SYNE2: variants seen among roughly 807,000 people sequenced by gnomAD.
SYNE2 encodes spectrin repeat containing nuclear envelope protein 2, also known as nesprin-2.
Under a neutral mutation model 856.3 loss-of-function variants are expected in SYNE2, and 431 were observed. The observed-to-expected ratio is 0.50, with a 90% CI of 0.47 to 0.55. The LOEUF (loss-of-function observed/expected upper bound fraction) is 0.55. SYNE2 is among the 20% of genes least tolerant of loss of function. The probability of loss-of-function intolerance (pLI) is 0.00; values close to 1 mark genes in which losing one functional copy is unlikely to be tolerated. For missense variants in SYNE2, 8,129 were observed against 8,023.2 expected (o/e 1.01, Z -0.50); for synonymous variants, 2,923 against 2,872.3 (o/e 1.02, Z -0.56).
chr14:64,087,688 A>G lies in SYNE2; in HGVS notation c.11502A>G (p.Ser3834=), dbSNP rs2097574486. 3.1e-6 allele frequency: 5 copies of G among 1,614,110 alleles called. No homozygotes were observed. The highest frequency in any genetic ancestry group is 3.4e-6 in the Non-Finnish European group (4 of 1,179,984). The change falls in exon 58 of 116, where the codon TCA becomes TCG. Residue 3834 remains serine (S), a synonymous_variant. Transcript: ENST00000555002. ...ASTVQMALED[S]EQKHNLLHSI... ...TTATCTAGATGGCTTTGGAAGATTC[A>G]GAACAGAAGCACAATCTTTTACATT...
intron 1 of SYNE2, among the ~76,000 whole-genome samples, chr14:63,781,855 T>G (rs1046734416): frequency 6.6e-6 from 1 of 151,978 alleles, no homozygotes; most frequent in East Asian, 1.9e-4. Context: ...GGAAAAGTGT[T>G]TAAAAGGTCA....
chr14:64,211,500 C>G (rs2098640839), intron 103 of SYNE2, among the ~76,000 whole-genome samples: 1 of 152,140 alleles, frequency 6.6e-6, no homozygotes, highest in African/African-American at 2.4e-5. Flanking sequence ...TGGCCTCAAT[C>G]CTGATATCAA....
intron 1 of SYNE2, among the ~76,000 whole-genome samples, chr14:63,844,259 A>G (rs1380882799): frequency 6.6e-6 from 1 of 152,162 alleles, no homozygotes; most frequent in Non-Finnish European, 1.5e-5. Context: ...GGAGTATCAT[A>G]TACTTGGAGT....
intron 32 of SYNE2, among the ~76,000 whole-genome samples, chr14:64,015,766 A>G (rs1009977809): frequency 6.6e-5 from 10 of 151,616 alleles, no homozygotes; most frequent in Admixed American, 5.3e-4. Context: ...AGATTCTTGA[A>G]GTGGTCATTT....
intron 8 of SYNE2, among the ~76,000 whole-genome samples, chr14:63,958,132 C>T: frequency 6.6e-6 from 1 of 152,108 alleles, no homozygotes; most frequent in Middle Eastern, 3.4e-3. Flanking sequence ...TCCCATAAAC[C>T]CTGCACCCAG....
In SYNE2 at chr14:64,221,562, T is replaced by C. The variant is rs757662625; in HGVS notation, c.20062-14T>C. 1 of 1,614,150 alleles carries C rather than the reference T, an allele frequency of 6.2e-7. No individual in the cohort carries two copies. Among genetic ancestry groups the C allele is most frequent in the Non-Finnish European group, 8.5e-7 (1 of 1,180,034 alleles). Reference sequence around the variant, plus strand: ...TCTAAGACACGGCCGCGCTCTGATGTGTTGTTTTTTAAGGACTTCCACCAG... The same window carrying C: ...TCTAAGACACGGCCGCGCTCTGATGCGTTGTTTTTTAAGGACTTCCACCAG... On this transcript the variant is annotated splice_polypyrimidine_tract_variant and intron_variant, in intron 111 of 115. Coordinates refer to ENST00000555002, the MANE Select transcript of SYNE2 (RefSeq NM_182914.3).
At chr14:63,922,558 T>A (rs573661022) in intron 2 of SYNE2, among the ~76,000 whole-genome samples, 5 of 152,260 alleles carry the variant, frequency 3.3e-5, no homozygotes, top group African/African-American at 1.2e-4. Flanking sequence ...ATCCTAGCAC[T>A]GTGGGAGGAT....
chr14:64,006,955 G>A (rs902589061), intron 30 of SYNE2, 88 bp from the exon 31 acceptor site: 2 of 1,048,558 alleles, frequency 1.9e-6, no homozygotes, highest in Non-Finnish European at 3.0e-6. Context: ...ACAAATTAAA[G>A]TTAGTGTGCC....
intron 6 of SYNE2, among the ~76,000 whole-genome samples, chr14:63,948,290 T>C (rs557563807): frequency 2.5e-4 from 38 of 152,156 alleles, no homozygotes; most frequent in Non-Finnish European, 5.0e-4. Context: ...TTTCAATCTA[T>C]GAGTATAACA....
chr14:63,974,882 G>GTATATATATATA (rs1465256139), intron 11 of SYNE2, among the ~76,000 whole-genome samples: 7 of 27,108 alleles, frequency 2.6e-4, no homozygotes, highest in East Asian at 1.4e-3. Flanking sequence ...GTGTGTGTGT[G>GTATATATATATA]TGTGTGTGTG....
At chr14:64,084,189 G>A (rs942214899) in intron 57 of SYNE2, 1 of 152,202 alleles carries the variant, frequency 6.6e-6, no homozygotes, top group African/African-American at 2.4e-5. Context: ...CTCCCAAAGT[G>A]CTGGGAGTAC....
intron 45 of SYNE2, 51 bp downstream of exon 45, chr14:64,031,408 G>T: frequency 1.3e-6 from 2 of 1,537,068 alleles, no homozygotes; most frequent in South Asian, 1.1e-5. Context: ...GAATGAAGAG[G>T]TATTTGGCTC....
intron 2 of SYNE2, among the ~76,000 whole-genome samples, chr14:63,914,441 T>C (rs1205401020): frequency 6.6e-6 from 1 of 152,174 alleles, no homozygotes; most frequent in Non-Finnish European, 1.5e-5. Context: ...GTCTTAAGAG[T>C]GACAGTTACA....
chr14:64,191,022 C>CTTTCCA, intron 99 of SYNE2: 1 of 702,288 alleles, frequency 1.4e-6, no homozygotes, highest in Non-Finnish European at 2.6e-6. Flanking sequence ...CACACGGGTC[C>CTTTCCA]TTTCCATAGC....
chr14:63,906,840 A>G (rs1186827829), intron 1 of SYNE2, among the ~76,000 whole-genome samples: 1 of 152,228 alleles, frequency 6.6e-6, no homozygotes, highest in African/African-American at 2.4e-5. Context: ...AATGACAGAA[A>G]TCTAATCCAA....
intron 1 of SYNE2, among the ~76,000 whole-genome samples, chr14:63,876,923 T>A (rs1378047606): frequency 6.6e-6 from 1 of 152,214 alleles, no homozygotes; most frequent in Non-Finnish European, 1.5e-5. Context: ...ATACTCAGCC[T>A]GTTACTTAGT....
At chr14:63,818,038 A>C (rs867339068) in intron 1 of SYNE2, among the ~76,000 whole-genome samples, 9 of 148,674 alleles carry the variant, frequency 6.1e-5, no homozygotes, top group African/African-American at 2.2e-4. Context: ...AAAAAAAAAA[A>C]AAAAAAAACA....
rs1349656721 is a variant in SYNE2 at position 63,876,913 on chromosome 14, A to T, written c.-52+23770A>T. Among the ~76,000 whole-genome samples the T allele has an allele frequency of 2.6e-5, 4 of 152,336 alleles. No individual in the cohort carries two copies. In the East Asian group the frequency reaches 5.8e-4, roughly 22 times the overall value. ...ACAGATCAGAAACCACTGTCCGTGG[A>T]TACTCAGCCTGTTACTTAGTCCAAC... On this transcript the variant is annotated intron_variant, in intron 1 of 115. Coordinates refer to ENST00000555002, the MANE Select transcript of SYNE2 (RefSeq NM_182914.3).
chr14:64,113,002 G>C, intron 65 of SYNE2: 1 of 985,260 alleles, frequency 1.0e-6, no homozygotes, highest in Admixed American at 6.2e-5. Flanking sequence ...GCTAAACACT[G>C]GCCAATTCCC....
Sources: gnomAD v4.1 joint callset for allele counts (sites outside exome capture counted in the v4.1 genomes callset) on GRCh38, gnomAD v4.1.1 for gene constraint, MANE v1.5 for transcripts, NCBI Gene and HGNC (gene_info 2026-07-23, HGNC 2026-07-21) for gene names.